The following HAO2 variants were observed in gnomAD, a reference collection of about 807,000 sequenced individuals.
The protein encoded by HAO2 is 2-Hydroxyacid oxidase 2.
A neutral mutation model predicts 37.4 loss-of-function variants in HAO2; 42 were observed. The observed-to-expected ratio is 1.12, with a 90% CI of 0.88 to 1.45. The LOEUF (loss-of-function observed/expected upper bound fraction) is 1.45, where lower values mean the gene tolerates loss of function less well. HAO2 is among the 40% of genes most tolerant of loss of function. The pLI, the probability that HAO2 is intolerant of heterozygous loss-of-function variation, is 0.00. For synonymous variants in HAO2, 180 were observed against 162.8 expected, an observed-to-expected ratio of 1.11 and a Z score of -0.81; for missense variants, 476 against 430.2, an observed-to-expected ratio of 1.11 and a Z score of -0.94.
At chr1:119,385,360 C>T in intron 4 of HAO2, 1 of 984,464 alleles carries the variant, frequency 1.0e-6, no homozygotes, top group South Asian at 4.7e-5. Context: ...TTTGCACGAA[C>T]TGGAGAGTAA....
chr1:119,389,305 A>G (rs587768613), intron 5 of HAO2, among the ~76,000 whole-genome samples: 1 of 149,842 alleles, frequency 6.7e-6, no homozygotes, highest in Admixed American at 6.7e-5. Context: ...CCCTGGGTAG[A>G]TACCTGGTAG....
intron 1 of HAO2, among the ~76,000 whole-genome samples, chr1:119,369,845 T>C (rs1263826999): frequency 2.0e-5 from 3 of 152,120 alleles, no homozygotes. Context: ...TCTTCGACTG[T>C]AAGCTTCTTG....
chr1:119,393,204 C>A (rs1388453081), intron 7 of HAO2, among the ~76,000 whole-genome samples: 1 of 152,096 alleles, frequency 6.6e-6, no homozygotes, highest in Non-Finnish European at 1.5e-5. Flanking sequence ...CTACTCAAGC[C>A]CACAACTCCC....
At position 119,383,028 on chromosome 1, in the gene HAO2, G is replaced by T; in HGVS notation, c.245G>T (p.Cys82Phe). ...TGTATCGCACCCACAGGGTTCCACT[G>T]CCTTGTCTGGCCTGATGGGGAAATG... ...PICIAPTGFH[C>F]LVWPDGEMST... is the part of the protein sequence containing the mutation. Residue 82 changes from cysteine to phenylalanine, a missense_variant, in exon 3 of 8, where the codon TGC becomes TTC. Transcript: ENST00000325945. 1.2e-6 allele frequency: 2 copies of T among 1,613,138 alleles called. No individual in the cohort carries two copies. The highest frequency in any genetic ancestry group is 1.7e-6 in the Non-Finnish European group (2 of 1,179,496).
intron 5 of HAO2, among the ~76,000 whole-genome samples, chr1:119,389,922 G>A (rs1488220688): frequency 6.6e-6 from 1 of 152,088 alleles, no homozygotes; most frequent in East Asian, 1.9e-4. Context: ...ATAGTTTCAG[G>A]TCTTAGAATT....
intron 3 of HAO2, among the ~76,000 whole-genome samples, chr1:119,384,035 C>T (rs1005692942): frequency 2.6e-5 from 4 of 152,146 alleles, no homozygotes; most frequent in African/African-American, 9.7e-5. Context: ...AGCCCAAATT[C>T]TCTGCCCATG....
intron 2 of HAO2, among the ~76,000 whole-genome samples, chr1:119,381,750 T>C (rs927123060): frequency 1.3e-5 from 2 of 152,192 alleles, no homozygotes; most frequent in African/African-American, 4.8e-5. Flanking sequence ...CCACTTATTT[T>C]TGTATGGTCC....
intron 4 of HAO2, 101 bp downstream of exon 4, chr1:119,385,154 G>C (rs587611863): frequency 2.0e-6 from 3 of 1,494,218 alleles, no homozygotes; most frequent in Non-Finnish European, 8.9e-7. Flanking sequence ...GGCATTTATC[G>C]AACACCTGCT....
chr1:119,381,081 C>A lies in HAO2; in HGVS notation c.-5C>A. On this transcript the variant is annotated 5_prime_UTR_variant, in exon 2 of 8. Transcript: ENST00000325945. ...GGTTTTGTTTTCTCCTTGGAAGGTCCAGAAATGTCCTTGGTGTGTTTGACA... is the reference window on the plus strand; with the variant it reads ...GGTTTTGTTTTCTCCTTGGAAGGTCAAGAAATGTCCTTGGTGTGTTTGACA... 6.2e-7 allele frequency: 1 copy of A among 1,613,348 alleles called. No homozygotes were observed. Among genetic ancestry groups the A allele is most frequent in the Non-Finnish European group, 8.5e-7 (1 of 1,179,316 alleles).
intron 3 of HAO2, among the ~76,000 whole-genome samples, chr1:119,384,150 A>G (rs1324981961): frequency 6.6e-6 from 1 of 152,226 alleles, no homozygotes; most frequent in African/African-American, 2.4e-5. Flanking sequence ...GAACGTCATC[A>G]CCATCAACTT....
rs587770809 is a variant in HAO2 at position 119,386,581 on chromosome 1, T to C, written c.562-41T>C. The C allele has an allele frequency of 8.9e-6, 11 of 1,236,220 alleles. No homozygotes were observed. The South Asian group carries it at 1.2e-4, about 13-fold the overall frequency. 76.6% of individuals were successfully genotyped at this position (1,236,220 alleles called of 1,614,324 possible). ...ATCTTTGGAATGCATCAAGTAGCCT[T>C]GTGAGAGCTCAGGACTAAGTTCCCT... On this transcript the variant is annotated intron_variant, in intron 4 of 7. Coordinates refer to ENST00000325945, the MANE Select transcript of HAO2 (RefSeq NM_016527.4).
At chr1:119,378,505 C>T (rs1649660861) in intron 1 of HAO2, among the ~76,000 whole-genome samples, 1 of 152,160 alleles carries the variant, frequency 6.6e-6, no homozygotes, top group Admixed American at 6.5e-5. Context: ...CCTTCTCTGT[C>T]TTCTTCACAG....
chr1:119,383,047 G>T lies in HAO2; in HGVS notation c.264G>T (p.Gly88=). 1 of 1,612,644 alleles carries T rather than the reference G, an allele frequency of 6.2e-7. No homozygotes were observed. ...TGFHCLVWPD[G]EMSTARAAQA... ...TCCACTGCCTTGTCTGGCCTGATGG[G>T]GAAATGAGCACAGCAAGAGGTATGA... The change falls in exon 3 of 8, where the codon GGG becomes GGT. Residue 88 remains glycine (G), a synonymous_variant. Coordinates refer to ENST00000325945, the MANE Select transcript of HAO2 (RefSeq NM_016527.4).
At chr1:119,375,159 G>T (rs1395078326) in intron 1 of HAO2, among the ~76,000 whole-genome samples, 1 of 152,124 alleles carries the variant, frequency 6.6e-6, no homozygotes, top group Non-Finnish European at 1.5e-5. Flanking sequence ...CATTGAAATG[G>T]AGACAAAATA....
intron 6 of HAO2, 147 bp downstream of exon 6, chr1:119,392,415 T>A (rs587633660): frequency 4.1e-6 from 3 of 738,762 alleles, no homozygotes; most frequent in Admixed American, 5.2e-5. Flanking sequence ...ATGCTTCTTC[T>A]GAAGCCCATT....
chr1:119,372,344 G>C (rs184743815), intron 1 of HAO2, among the ~76,000 whole-genome samples: 1 of 152,130 alleles, frequency 6.6e-6, no homozygotes, highest in African/African-American at 2.4e-5. Flanking sequence ...TGCCTTTGAG[G>C]GTATTTTCAA....
At position 119,384,928 on chromosome 1, in the gene HAO2, G is replaced by T; in HGVS notation, c.436G>T (p.Glu146Ter). 1 of 1,614,008 alleles carries T rather than the reference G, an allele frequency of 6.2e-7. No individual in the cohort carries two copies. The highest frequency in any genetic ancestry group is 8.5e-7 in the Non-Finnish European group (1 of 1,179,880). Residue 146 changes from glutamate to a stop codon, truncating the protein, a stop_gained, in exon 4 of 8, where the codon GAA becomes TAA. Transcript: ENST00000325945. LOFTEE classifies it high-confidence loss of function. ...QLNKQLIQRVESLGFKALVIT... is the reference protein window; with the variant it reads ...QLNKQLIQRV ...GAACAAACAGTTGATCCAGAGGGTA[G>T]AATCCCTAGGTTTCAAAGCTTTGGT...
Position 119,381,191 on chromosome 1 carries a change from G to A in HAO2, c.106G>A (p.Asp36Asn). 1 of 1,611,566 alleles carries A rather than the reference G, an allele frequency of 6.2e-7. No individual in the cohort carries two copies. Among genetic ancestry groups the A allele is most frequent in the South Asian group, 1.1e-5 (1 of 91,020 alleles). Residue 36 changes from aspartate to asparagine, a missense_variant, in exon 2 of 8, where the codon GAT (aspartate) becomes AAT (asparagine). Asp to Asn is a conservative substitution (Grantham distance 23, BLOSUM62 1). Coordinates refer to ENST00000325945, the MANE Select transcript of HAO2 (RefSeq NM_016527.4). ...EGGADDSITR[D>N]DNIAAFKRIR... The stretch of plus-strand genomic sequence containing the variant: ...TGGAGCAGATGACAGCATCACGCGG[G>A]ATGACAACATTGCAGCATTTAAAAG...
chr1:119,383,233 T>C (rs901012587), intron 3 of HAO2, among the ~76,000 whole-genome samples, 167 bp downstream of exon 3: 3 of 152,174 alleles, frequency 2.0e-5, no homozygotes, highest in African/African-American at 7.2e-5. Flanking sequence ...TAACCTAAGA[T>C]TGAGAAAACA....
Sources: allele counts gnomAD v4.1 joint callset (sites outside exome capture counted in the v4.1 genomes callset), GRCh38; gene constraint gnomAD v4.1.1; transcripts MANE v1.5; gene names NCBI Gene and HGNC (gene_info 2026-07-23, HGNC 2026-07-21).